Variants in RNF14 observed in about 807,000 individuals in gnomAD.
RNF14 encodes E3 ubiquitin-protein ligase RNF14.
A neutral mutation model predicts 52.6 loss-of-function variants in RNF14; 26 were observed. The observed-to-expected ratio is 0.49, with a 90% CI of 0.36 to 0.69. The LOEUF is 0.69. Among genes scored for constraint, RNF14 ranks in the 30% least tolerant of loss-of-function variants. RNF14 has a pLI of 0.00. For missense variants in RNF14, 404 were observed against 560.4 expected, an observed-to-expected ratio of 0.72 and a Z score of 2.82; for synonymous variants, 194 against 202.0, an observed-to-expected ratio of 0.96 and a Z score of 0.34.
upstream of RNF14, chr5:141,958,140 G>C (rs909455964): frequency 4.8e-6 from 2 of 412,680 alleles, no homozygotes; most frequent in Non-Finnish European, 8.7e-6. Context: ...ACAAGAGCTG[G>C]TCTAAGAGGG....
At chr5:141,961,626 A>G (rs1753275974) in intron 1 of RNF14, among the ~76,000 whole-genome samples, 1 of 152,148 alleles carries the variant, frequency 6.6e-6, no homozygotes, top group African/African-American at 2.4e-5. Context: ...TAAGTCCAAA[A>G]TATTTTTTTT....
At chr5:141,974,502 A>G (rs1561547411) in intron 3 of RNF14, among the ~76,000 whole-genome samples, 2 of 152,362 alleles carry the variant, frequency 1.3e-5, no homozygotes, top group East Asian at 1.9e-4. Flanking sequence ...CCAAACCACA[A>G]CAAAACAAAC....
the RNF14 span, chr5:141,951,629 C>T: frequency 1.9e-5 from 26 of 1,399,892 alleles, no homozygotes; most frequent in African/African-American, 8.5e-5. Context: ...CACACAATTC[C>T]GACTCAGCAC....
intron 6 of RNF14, 85 bp from the exon 7 acceptor site, chr5:141,983,295 T>C (rs1181973482): frequency 1.9e-6 from 2 of 1,033,546 alleles, no homozygotes; most frequent in Non-Finnish European, 2.8e-6. Context: ...CATTATTGAA[T>C]AGTCGAAGAT....
At chr5:141,972,321 C>A (rs1219187146) in intron 2 of RNF14, among the ~76,000 whole-genome samples, 5 of 151,812 alleles carry the variant, frequency 3.3e-5, no homozygotes, top group Non-Finnish European at 7.4e-5. Context: ...CCTCGACCTC[C>A]CAGGCTCAAG....
rs1357491967 is a variant in RNF14 at position 141,989,956 on chromosome 5, T to C, written c.*2166T>C. On this transcript the variant is annotated 3_prime_UTR_variant, in exon 9 of 9. Transcript: ENST00000394520. ...GGAAAGAAGCCTTTATAATACAGTT[T>C]TATGAAAGAAATGGGAGCCTTTTTT... 6.6e-6 allele frequency: 1 copy of C among 152,164 alleles called. No homozygotes were observed. The highest frequency in any genetic ancestry group is 2.4e-5 in the African/African-American group (1 of 41,432). 9.4% of individuals were successfully genotyped at this position (152,164 alleles called of 1,614,324 possible).
chr5:141,959,722 G>A (rs1006281200), intron 1 of RNF14, among the ~76,000 whole-genome samples: 1 of 152,098 alleles, frequency 6.6e-6, no homozygotes, highest in African/African-American at 2.4e-5. Flanking sequence ...CACTCCTGAG[G>A]TTTCCCAACT....
At chr5:141,962,995 T>C (rs1032943868), upstream of RNF14, 9 of 152,174 alleles carry the variant, frequency 5.9e-5, no homozygotes, top group Non-Finnish European at 1.2e-4. Flanking sequence ...AAGGCCAAAC[T>C]CTATAGCGAT....
intron 1 of RNF14, chr5:141,959,190 C>T (rs572992693): frequency 6.6e-6 from 1 of 152,492 alleles, no homozygotes; most frequent in Admixed American, 6.5e-5. Flanking sequence ...CCCACACCTT[C>T]CCCTCCCTTT....
At chr5:141,979,053 G>C (rs1754515396) in intron 5 of RNF14, among the ~76,000 whole-genome samples, 1 of 152,220 alleles carries the variant, frequency 6.6e-6, no homozygotes, top group Non-Finnish European at 1.5e-5. Context: ...GAGTGTTAAA[G>C]TAGTTATTAA....
intron 1 of RNF14, among the ~76,000 whole-genome samples, chr5:141,959,848 C>T (rs1753242590): frequency 6.6e-6 from 1 of 152,180 alleles, no homozygotes. Flanking sequence ...GCACAAGGGA[C>T]TTAACCTCTC....
chr5:141,970,364 C>A (rs1753638433), intron 1 of RNF14, among the ~76,000 whole-genome samples: 1 of 152,014 alleles, frequency 6.6e-6, no homozygotes, highest in Non-Finnish European at 1.5e-5. Context: ...ATACAAGAAG[C>A]AGAAGAGGAA....
At chr5:141,968,486 G>A (rs551919485), upstream of RNF14, among the ~76,000 whole-genome samples, 10 of 152,308 alleles carry the variant, frequency 6.6e-5, no homozygotes, top group Admixed American at 4.6e-4. Context: ...GTGTGAGGAA[G>A]GAAGTGTATA....
chr5:141,955,593 C>T (rs1753967171), upstream of RNF14: 12 of 1,614,168 alleles, frequency 7.4e-6, no homozygotes, highest in Non-Finnish European at 1.0e-5. The surrounding 1 kb of genome is among the most constrained non-coding windows in gnomAD (Gnocchi z 5.5). Flanking sequence ...ACTCGGCCTC[C>T]CGACAGTTGT....
upstream of RNF14, chr5:141,953,437 A>G (rs1021526132): frequency 2.0e-5 from 3 of 152,236 alleles, no homozygotes; most frequent in Admixed American, 2.0e-4. Context: ...AGATACCATT[A>G]TGGCCATTTT....
chr5:141,956,313 G>A (rs760952375), upstream of RNF14: 38 of 1,614,236 alleles, frequency 2.4e-5, no homozygotes, highest in Non-Finnish European at 3.1e-5. Context: ...CCTCTCCTGT[G>A]TTGGAGTCAA....
At chr5:141,969,226 G>C (rs530291445) in intron 1 of RNF14, 59 bp downstream of exon 1, 1 of 153,804 alleles carries the variant, frequency 6.5e-6, no homozygotes, top group South Asian at 2.1e-4. Context: ...ACTGCCGGGC[G>C]GCCGGAAGGT....
At chr5:141,962,576 C>G (rs561304211), upstream of RNF14, among the ~76,000 whole-genome samples, 1 of 152,220 alleles carries the variant, frequency 6.6e-6, no homozygotes, top group African/African-American at 2.4e-5. Context: ...AGGGAGATTT[C>G]TGCAATCTGA....
chr5:141,955,708 G>C, upstream of RNF14: 1 of 1,614,094 alleles, frequency 6.2e-7, no homozygotes, highest in Non-Finnish European at 8.5e-7. The surrounding 1 kb of genome is among the most constrained non-coding windows in gnomAD (Gnocchi z 5.5). Context: ...CGTCAGCATC[G>C]ACATGCTCAA....
Sources: gnomAD v4.1 joint callset for allele counts (sites outside exome capture counted in the v4.1 genomes callset) on GRCh38, gnomAD v4.1.1 for gene constraint, Gnocchi (gnomAD v3.1) non-coding constraint, MANE v1.5 for transcripts, NCBI Gene and HGNC (gene_info 2026-07-23, HGNC 2026-07-21) for gene names.